The following FAM184A variants were observed in gnomAD, a reference collection of about 807,000 sequenced individuals.
The protein encoded by FAM184A is family with sequence similarity 184 member A.
FAM184A carries 99 observed loss-of-function variants against 143.8 expected under a neutral mutation model. The ratio of observed to expected loss-of-function variants is 0.69; its 90% CI spans 0.58 to 0.81. The LOEUF (loss-of-function observed/expected upper bound fraction) is 0.81. Ranked by LOEUF, FAM184A falls within the 40% of genes least tolerant of loss-of-function variation. FAM184A has a pLI of 0.00. For missense variants in FAM184A, 1,217 were observed against 1,310.5 expected (o/e 0.93, Z 1.10); for synonymous variants, 427 against 446.4 (o/e 0.96, Z 0.55).
chr6:118,981,630 A>C (rs1350211898), intron 9 of FAM184A, among the ~76,000 whole-genome samples: 1 of 152,194 alleles, frequency 6.6e-6, no homozygotes, highest in African/African-American at 2.4e-5. Flanking sequence ...TTAATTGGAA[A>C]AAGAAAAGGT....
In FAM184A at chr6:118,960,734, C is replaced by T. The variant is rs2275762; in HGVS notation, c.3342-550G>A. On this transcript the variant is annotated intron_variant, in intron 17 of 17. Transcript: ENST00000338891. ...CTTTTCTTAATTCTAACTAAAGATT[C>T]TTTGGGCTACTTAAGAAAACAAAAG... 3 of 1,160,348 alleles carry T rather than the reference C, an allele frequency of 2.6e-6. No homozygotes were observed. In the African/African-American group the frequency reaches 4.7e-5, roughly 18 times the overall value. The allele number at this position is 1,160,348 out of a possible 1,614,324, so 71.9% of individuals were successfully genotyped here.
In FAM184A at chr6:119,133,208, T is replaced by C. The variant is rs1404186065; in HGVS notation, c.-202+15870A>G. On this transcript the variant is annotated intron_variant, in intron 1 of 16. Coordinates refer to the FAM184A transcript ENST00000352896. ...GTGTTTGGTGCATAAGTTCTACTAG[T>C]TGGTTGTTGCCAACTGCATTCTACA... Among the ~76,000 whole-genome samples, 3 of 152,206 alleles carry C rather than the reference T, an allele frequency of 2.0e-5. No individual in the cohort carries two copies. The East Asian group carries it at 5.8e-4, about 29-fold the overall frequency.
chr6:119,044,681 A>G (rs1309137071), intron 1 of FAM184A, among the ~76,000 whole-genome samples: 1 of 152,192 alleles, frequency 6.6e-6, no homozygotes, highest in Non-Finnish European at 1.5e-5. Flanking sequence ...AACAATTCCA[A>G]TTACCTGGGT....
chr6:119,125,456 A>C (rs138167614), intron 1 of FAM184A, among the ~76,000 whole-genome samples: 2 of 152,244 alleles, frequency 1.3e-5, no homozygotes, highest in African/African-American at 4.8e-5. Context: ...TATTTTTAGT[A>C]GAGATGAGGT....
intron 1 of FAM184A, among the ~76,000 whole-genome samples, chr6:119,046,800 A>G (rs1017329492): frequency 1.3e-5 from 2 of 152,322 alleles, no homozygotes; most frequent in African/African-American, 2.4e-5. Flanking sequence ...ATTATATGGT[A>G]TATCATAGCA....
intron 1 of FAM184A, among the ~76,000 whole-genome samples, chr6:119,110,170 A>C (rs938652637): frequency 1.3e-5 from 2 of 152,110 alleles, no homozygotes; most frequent in Non-Finnish European, 2.9e-5. Flanking sequence ...ATCCTGGGGC[A>C]CCTCACCTGG....
chr6:119,105,321 G>T (rs751706793), intron 1 of FAM184A, among the ~76,000 whole-genome samples: 2 of 152,214 alleles, frequency 1.3e-5, no homozygotes, highest in Non-Finnish European at 2.9e-5. Context: ...GAGGGGCCTG[G>T]TTGGAGGTGA....
At chr6:119,141,447 G>A (rs1772233149) in intron 1 of FAM184A, among the ~76,000 whole-genome samples, 1 of 152,120 alleles carries the variant, frequency 6.6e-6, no homozygotes, top group Admixed American at 6.5e-5. Flanking sequence ...GGCGGGGGGA[G>A]GATCCAGGGA....
At chr6:118,961,535 C>T (rs868228242) in intron 17 of FAM184A, among the ~76,000 whole-genome samples, 2 of 151,938 alleles carry the variant, frequency 1.3e-5, no homozygotes, top group Middle Eastern at 3.4e-3. Context: ...TACATTAACA[C>T]CTCTTCAAGT....
chr6:119,041,843 T>C (rs1161023755), intron 1 of FAM184A, among the ~76,000 whole-genome samples: 1 of 152,170 alleles, frequency 6.6e-6, no homozygotes, highest in Non-Finnish European at 1.5e-5. Flanking sequence ...AGCTGAACAC[T>C]AGTTGCTGGG....
chr6:119,102,688 G>A lies in FAM184A; in HGVS notation c.-202+46390C>T, dbSNP rs2114836707. ...ACCTGTAGCCCCAGCTACTCAGGAG[G>A]CTGAGGCAGGAGAATCGTTTGAATC... On this transcript the variant is annotated intron_variant, in intron 1 of 16. Transcript: ENST00000352896. Among the ~76,000 whole-genome samples the A allele has an allele frequency of 4.1e-5, 6 of 146,920 alleles. No individual in the cohort carries two copies. In the Middle Eastern group the frequency reaches 0.014, roughly 347 times the overall value.
At chr6:118,960,882 A>G (rs1170392203) in intron 17 of FAM184A, 1 of 1,256,396 alleles carries the variant, frequency 8.0e-7, no homozygotes, top group Non-Finnish European at 1.1e-6. Flanking sequence ...ACCCATGCAC[A>G]AGGGAAAATA....
intron 1 of FAM184A, among the ~76,000 whole-genome samples, chr6:119,062,720 A>G (rs563679490): frequency 6.6e-6 from 1 of 152,208 alleles, no homozygotes; most frequent in Non-Finnish European, 1.5e-5. Context: ...TGGTAAAAGC[A>G]GTTGCACTTG....
intron 1 of FAM184A, among the ~76,000 whole-genome samples, chr6:119,104,720 C>T (rs568232995): frequency 3.9e-5 from 6 of 152,210 alleles, no homozygotes; most frequent in African/African-American, 1.4e-4. Flanking sequence ...CTCTTCACTC[C>T]TTAAGTGTGG....
Position 119,119,152 on chromosome 6 carries a change from C to G in FAM184A, c.-202+29926G>C, listed in dbSNP as rs142094750. 9.5e-4 allele frequency among the ~76,000 whole-genome samples: 144 copies of G among 152,294 alleles called. No individual in the cohort carries two copies. The Middle Eastern group carries it at 0.01, about 11-fold the overall frequency. ...TCAGACTGGTTGTCTGCTGTCAAAC[C>G]CTGTCTCCCGATAAGATGTTATCAA... On this transcript the variant is annotated intron_variant, in intron 1 of 16. Transcript: ENST00000352896.
rs766313608 is a variant in FAM184A, at chr6:119,006,550, CCTT to C, written c.1709_1711del (p.Glu570del). The C allele has an allele frequency of 6.8e-6, 11 of 1,613,876 alleles. No homozygotes were observed. The highest frequency in any genetic ancestry group is 9.3e-6 in the Non-Finnish European group (11 of 1,179,966). On this transcript the variant is annotated inframe_deletion, in exon 7 of 18. Transcript: ENST00000338891. ...GGAGTCCTGAAGACTAGCAATAAGT[CCTT>C]CTGCAGAGCCAAGACCTTGTTCACT...
chr6:119,079,501 A>G (rs1787998902), upstream of FAM184A, among the ~76,000 whole-genome samples: 1 of 152,208 alleles, frequency 6.6e-6, no homozygotes, highest in Admixed American at 6.5e-5. Flanking sequence ...GTTATTCCCT[A>G]CTGATTTTCT....
At chr6:119,131,852 T>A (rs570626592) in intron 1 of FAM184A, among the ~76,000 whole-genome samples, 6 of 152,284 alleles carry the variant, frequency 3.9e-5, no homozygotes, top group African/African-American at 1.2e-4. Context: ...GTGCTATAGA[T>A]ACATTTTAAT....
chr6:119,086,677 T>G (rs1788232411), intron 1 of FAM184A, among the ~76,000 whole-genome samples: 1 of 152,212 alleles, frequency 6.6e-6, no homozygotes, highest in Non-Finnish European at 1.5e-5. Flanking sequence ...GGGACTTACA[T>G]GCCTTGACAA....
Sources: gnomAD v4.1 joint callset for allele counts (sites outside exome capture counted in the v4.1 genomes callset) on GRCh38, gnomAD v4.1.1 for gene constraint, MANE v1.5 for transcripts, NCBI Gene and HGNC (gene_info 2026-07-23, HGNC 2026-07-21) for gene names.